INTS9: variants seen among roughly 807,000 people sequenced by gnomAD.
INTS9 encodes integrator complex subunit 9, also known as protein related to CPSF subunits of 74 kDa.
INTS9 carries 55 observed loss-of-function variants against 79.7 expected under a neutral mutation model. That is an observed-to-expected ratio of 0.69 (90% CI 0.56 to 0.86). The LOEUF (loss-of-function observed/expected upper bound fraction) is 0.86. Ranked by LOEUF, INTS9 falls within the 40% of genes least tolerant of loss-of-function variation. The probability of loss-of-function intolerance (pLI) is 0.00; values close to 1 mark genes in which losing one functional copy is unlikely to be tolerated. For synonymous variants in INTS9, 319 were observed against 325.2 expected, an observed-to-expected ratio of 0.98 and a Z score of 0.20; for missense variants, 721 against 831.5, an observed-to-expected ratio of 0.87 and a Z score of 1.64.
Position 28,812,369 on chromosome 8 carries a change from C to T in INTS9, c.702G>A (p.Val234=). 1 of 1,614,040 alleles carries T rather than the reference C, an allele frequency of 6.2e-7. No homozygotes were observed. The highest frequency in any genetic ancestry group is 8.5e-7 in the Non-Finnish European group (1 of 1,179,938). The change falls in exon 8 of 17, where the codon GTG becomes GTA. Residue 234 remains valine, a synonymous_variant. Transcript: ENST00000521022. ...GCAAGGAGGATCCAGAGACATAAGA[C>T]ACTTTCTCGTAATGAGACTGGATGA... The part of the protein sequence containing the change: ...NWIIQSHYEK[V]SYVSGSSLLT...
At chr8:28,789,836 C>T (rs918772431) in intron 10 of INTS9, among the ~76,000 whole-genome samples, 10 of 152,100 alleles carry the variant, frequency 6.6e-5, no homozygotes, top group African/African-American at 2.2e-4. Context: ...CGTGATTGTG[C>T]TACTGCACTC....
At chr8:28,880,726 GAT>G (rs1361106895) in intron 1 of INTS9, among the ~76,000 whole-genome samples, 17 of 147,206 alleles carry the variant, frequency 1.2e-4, no homozygotes, top group Admixed American at 1.1e-3. Flanking sequence ...CATCGTCTGG[GAT>G]ATGAGGAGCC....
intron 14 of INTS9, 54 bp from the exon 15 acceptor site, chr8:28,771,134 C>A (rs760485650): frequency 8.6e-7 from 1 of 1,164,522 alleles, no homozygotes; most frequent in South Asian, 1.3e-5. Flanking sequence ...GACCATTACT[C>A]TTCCTTTAAT....
chr8:28,777,800 G>C, intron 13 of INTS9, 29 bp downstream of exon 13: 1 of 1,574,588 alleles, frequency 6.4e-7, no homozygotes, highest in East Asian at 2.3e-5. Flanking sequence ...ACATGACTAC[G>C]TGAAGGCACA....
intron 6 of INTS9, among the ~76,000 whole-genome samples, chr8:28,820,308 G>A (rs992474161): frequency 6.6e-6 from 1 of 152,204 alleles, no homozygotes; most frequent in Non-Finnish European, 1.5e-5. Context: ...TCCTTTCCAT[G>A]TTTAGTGCTT....
chr8:28,853,391 C>G (rs1376272404), intron 2 of INTS9, among the ~76,000 whole-genome samples: 2 of 117,048 alleles, frequency 1.7e-5, no homozygotes, highest in East Asian at 4.7e-4. Flanking sequence ...CCAGCCTGGG[C>G]AAAAAGAGCA....
chr8:28,860,457 T>G (rs1808397150), intron 1 of INTS9, among the ~76,000 whole-genome samples: 1 of 150,694 alleles, frequency 6.6e-6, no homozygotes. Context: ...CTGAATCCAC[T>G]AGCAAGTCCA....
chr8:28,852,895 C>T (rs1056720523), intron 2 of INTS9, among the ~76,000 whole-genome samples: 1 of 152,206 alleles, frequency 6.6e-6, no homozygotes, highest in African/African-American at 2.4e-5. Flanking sequence ...ATTGTGACAA[C>T]AGTGCCAATG....
At chr8:28,775,624 T>G in intron 14 of INTS9, 135 bp downstream of exon 14, 2 of 957,426 alleles carry the variant, frequency 2.1e-6, no homozygotes, top group Non-Finnish European at 3.1e-6. Flanking sequence ...AGTGCTGGGA[T>G]TATAGGCGTG....
chr8:28,814,284 TCACACACACACACACACACA>T (rs60850682), intron 6 of INTS9, among the ~76,000 whole-genome samples: 11,338 of 134,330 alleles, frequency 0.084, 573 homozygotes, highest in Non-Finnish European at 0.11. Context: ...ACAGGGCTTC[TCACACACACACACACACACA>T]CACACACACA....
At chr8:28,882,978 G>A (rs1809979251) in intron 1 of INTS9, among the ~76,000 whole-genome samples, 1 of 152,148 alleles carries the variant, frequency 6.6e-6, no homozygotes, top group African/African-American at 2.4e-5. Flanking sequence ...TTCTCTTGCA[G>A]GGTCTTCTCT....
At chr8:28,829,090 A>T (rs1169182873) in intron 6 of INTS9, among the ~76,000 whole-genome samples, 1 of 152,252 alleles carries the variant, frequency 6.6e-6, no homozygotes, top group Non-Finnish European at 1.5e-5. Flanking sequence ...TCATTGCTTA[A>T]TGCTTGCATG....
At chr8:28,859,348 A>AT in intron 2 of INTS9, 88 bp downstream of exon 2, 1 of 1,408,308 alleles carries the variant, frequency 7.1e-7, no homozygotes, top group South Asian at 1.3e-5. Flanking sequence ...TTACGACAAT[A>AT]TACTAGGTAC....
At chr8:28,809,779 T>C (rs1433735185) in intron 8 of INTS9, among the ~76,000 whole-genome samples, 5 of 152,208 alleles carry the variant, frequency 3.3e-5, no homozygotes, top group African/African-American at 7.2e-5. Context: ...GATGGGCTTT[T>C]GATTTCAATA....
intron 8 of INTS9, among the ~76,000 whole-genome samples, chr8:28,811,429 T>G (rs1431308743): frequency 6.6e-6 from 1 of 152,012 alleles, no homozygotes; most frequent in African/African-American, 2.4e-5. Flanking sequence ...CGGCCTTTTT[T>G]TTTTTTTCTT....
At chr8:28,795,500 C>T (rs1009068103) in intron 9 of INTS9, among the ~76,000 whole-genome samples, 1 of 151,882 alleles carries the variant, frequency 6.6e-6, no homozygotes, top group African/African-American at 2.4e-5. Context: ...ATTAGCCGGG[C>T]ACAGTGGCGC....
chr8:28,846,783 T>A lies in INTS9; in HGVS notation c.225A>T (p.Val75=), dbSNP rs556279656. 3.7e-6 allele frequency: 6 copies of A among 1,613,622 alleles called. No individual in the cohort carries two copies. Among genetic ancestry groups the A allele is most frequent in the Admixed American group, 1.7e-5 (1 of 60,016 alleles). ...DKELKECSGH[V]FVDSVPEFCL... is the part of the protein sequence containing the mutation. ...AGAATTCCGGCACAGAATCCACAAATACATGACCCGAGCACTCCTTTAGCT... is the reference window on the plus strand; with the variant it reads ...AGAATTCCGGCACAGAATCCACAAAAACATGACCCGAGCACTCCTTTAGCT... Residue 75 remains valine (V), a synonymous_variant, in exon 4 of 17, where the codon GTA becomes GTT. Coordinates refer to ENST00000521022, the MANE Select transcript of INTS9 (RefSeq NM_018250.4).
chr8:28,809,311 C>T (rs1804979068), intron 8 of INTS9, among the ~76,000 whole-genome samples: 1 of 152,088 alleles, frequency 6.6e-6, no homozygotes, highest in East Asian at 1.9e-4. Flanking sequence ...TGTGGCTGTA[C>T]TTCAACAAAA....
At chr8:28,813,680 G>C (rs1184568388) in intron 6 of INTS9, 68 bp from the exon 7 acceptor site, 2 of 1,556,348 alleles carry the variant, frequency 1.3e-6, no homozygotes, top group Non-Finnish European at 1.8e-6. Flanking sequence ...TTCCTTTCTA[G>C]TAATTTGTCC....
Sources: allele counts gnomAD v4.1 joint callset (sites outside exome capture counted in the v4.1 genomes callset), GRCh38; gene constraint gnomAD v4.1.1; transcripts MANE v1.5; gene names NCBI Gene and HGNC (gene_info 2026-07-23, HGNC 2026-07-21).